The following MEF2C variants were observed in gnomAD, a reference collection of about 807,000 sequenced individuals.
MEF2C encodes myocyte-specific enhancer factor 2C.
Under a neutral mutation model 50.5 loss-of-function variants are expected in MEF2C, and 6 were observed. That is an observed-to-expected ratio of 0.12 (90% CI 0.07 to 0.23). MEF2C has a LOEUF of 0.23. Ranked by LOEUF, MEF2C falls within the 10% of genes least tolerant of loss-of-function variation. The pLI is 1.00. For missense variants in MEF2C, 276 were observed against 605.0 expected (o/e 0.46, Z 5.70); for synonymous variants, 183 against 228.0 (o/e 0.80, Z 1.78).
chr5:88,786,245 T>A (rs1413485686), intron 3 of MEF2C, among the ~76,000 whole-genome samples: 1 of 152,180 alleles, frequency 6.6e-6, no homozygotes, highest in Non-Finnish European at 1.5e-5. Context: ...AATTCAGAGT[T>A]CAGGGTTTTA....
chr5:88,784,522 C>A (rs1171209783), intron 3 of MEF2C, among the ~76,000 whole-genome samples: 1 of 152,122 alleles, frequency 6.6e-6, no homozygotes, highest in Non-Finnish European at 1.5e-5. Context: ...ACGTAGTACT[C>A]TTTCTGTATG....
At chr5:88,741,943 A>G in intron 6 of MEF2C, 1 of 984,950 alleles carries the variant, frequency 1.0e-6, no homozygotes, top group Non-Finnish European at 1.2e-6. Context: ...TATAATACTT[A>G]AGTTTAACAT....
At chr5:88,852,914 CAAA>C (rs1424404996) in intron 1 of MEF2C, among the ~76,000 whole-genome samples, 4 of 118,616 alleles carry the variant, frequency 3.4e-5, no homozygotes, top group Admixed American at 8.8e-5. Flanking sequence ...GACTCTGTCT[CAAA>C]AAAAAAAAAA....
chr5:88,717,540 A>C lies in MEF2C; in HGVS notation c.*5064T>G, dbSNP rs999687129. ...TGCTGAAAATGAATACAAGAGAACAAAGCAGAAAGCACTGCTATTTTGAAG... is the reference window on the plus strand; with the variant it reads ...TGCTGAAAATGAATACAAGAGAACACAGCAGAAAGCACTGCTATTTTGAAG... On this transcript the variant is annotated 3_prime_UTR_variant, in exon 11 of 11. Coordinates refer to ENST00000504921, the MANE Select transcript of MEF2C (RefSeq NM_002397.5). The C allele has an allele frequency of 8.5e-5, 13 of 152,336 alleles. No homozygotes were observed. Among genetic ancestry groups the C allele is most frequent in the Admixed American group, 2.0e-4 (3 of 15,296 alleles). The allele number at this position is 152,336 out of a possible 1,614,324, so 9.4% of individuals were successfully genotyped here.
intron 1 of MEF2C, among the ~76,000 whole-genome samples, chr5:88,852,657 G>A (rs1198297837): frequency 1.3e-5 from 2 of 152,030 alleles, no homozygotes; most frequent in Non-Finnish European, 2.9e-5. Flanking sequence ...GATAACCTGA[G>A]GTCAGGAGTT....
At chr5:88,828,379 T>C (rs1309121894) in intron 1 of MEF2C, among the ~76,000 whole-genome samples, 1 of 152,032 alleles carries the variant, frequency 6.6e-6, no homozygotes, top group Non-Finnish European at 1.5e-5. Context: ...AAATATGTGA[T>C]GTCAATTTTC....
chr5:88,856,009 T>C (rs1442134667), intron 1 of MEF2C, among the ~76,000 whole-genome samples: 1 of 152,006 alleles, frequency 6.6e-6, no homozygotes, highest in Non-Finnish European at 1.5e-5. Flanking sequence ...TTTGGGAAAA[T>C]CTGAAACTTC....
At chr5:88,893,665 G>A (rs1193583436) in intron 1 of MEF2C, among the ~76,000 whole-genome samples, 1 of 152,108 alleles carries the variant, frequency 6.6e-6, no homozygotes, top group South Asian at 2.1e-4. Context: ...GTAAGATCAT[G>A]CATAGATCTA....
chr5:88,858,071 T>C (rs1382346080), intron 1 of MEF2C, among the ~76,000 whole-genome samples: 1 of 152,248 alleles, frequency 6.6e-6, no homozygotes, highest in Non-Finnish European at 1.5e-5. Flanking sequence ...CAAAGTATTT[T>C]CTTCCTATTA....
At chr5:88,866,017 T>A (rs945131327) in intron 1 of MEF2C, among the ~76,000 whole-genome samples, 1 of 152,004 alleles carries the variant, frequency 6.6e-6, no homozygotes, top group African/African-American at 2.4e-5. Flanking sequence ...TGCCTCAGCC[T>A]CCCGAGTAGC....
rs920748616 is a variant in MEF2C at position 88,902,824 on chromosome 5, A to C, written c.-240+1092T>G. ...CAGAAAATTGATTTTATCCATAATAATTTATAGCATTCTTCATCAATGTAT... is the reference window on the plus strand; with the variant it reads ...CAGAAAATTGATTTTATCCATAATACTTTATAGCATTCTTCATCAATGTAT... On this transcript the variant is annotated intron_variant, in intron 1 of 11. Coordinates refer to the MEF2C transcript ENST00000340208. Among the ~76,000 whole-genome samples, 34 of 151,480 alleles carry C rather than the reference A, an allele frequency of 2.2e-4. 1 individual carries two copies. The East Asian group carries it at 4.2e-3, about 19-fold the overall frequency.
chr5:88,808,253 G>A (rs1000823825), intron 2 of MEF2C, among the ~76,000 whole-genome samples: 1 of 152,098 alleles, frequency 6.6e-6, no homozygotes, highest in Admixed American at 6.5e-5. Context: ...TACAGAATAC[G>A]TTCAATACAG....
intron 3 of MEF2C, among the ~76,000 whole-genome samples, chr5:88,796,496 A>AT (rs948596910): frequency 2.0e-5 from 3 of 151,936 alleles, no homozygotes; most frequent in Non-Finnish European, 4.4e-5. Flanking sequence ...CTTCTTTATC[A>AT]TTTTTTACTG....
intron 1 of MEF2C, among the ~76,000 whole-genome samples, chr5:88,852,964 T>C (rs1821937249): frequency 6.6e-6 from 1 of 151,356 alleles, no homozygotes; most frequent in Non-Finnish European, 1.5e-5. Context: ...AGGCTCATGT[T>C]GGTAATCCCA....
At chr5:88,839,699 T>C (rs1327982805) in intron 1 of MEF2C, 1 of 152,210 alleles carries the variant, frequency 6.6e-6, no homozygotes, top group East Asian at 1.9e-4. Context: ...CTAGTTCACA[T>C]ACCAAATTAT....
At chr5:88,758,213 C>T (rs992499157) in intron 4 of MEF2C, among the ~76,000 whole-genome samples, 4 of 152,190 alleles carry the variant, frequency 2.6e-5, no homozygotes, top group Admixed American at 1.3e-4. Flanking sequence ...CTCTTCACAG[C>T]CCATTATTTT....
At position 88,858,798 on chromosome 5, in the gene MEF2C, T is replaced by TA. The variant is rs547123685; in HGVS notation, c.-143+24156dup. On this transcript the variant is annotated intron_variant, in intron 1 of 10. Transcript: ENST00000504921. ...ATTAAGGAATAAAAAACGCTATTTT[T>TA]AAAAAAAACATAAACTAAGAATACT... Among the ~76,000 whole-genome samples, 112 of 152,162 alleles carry TA rather than the reference T, an allele frequency of 7.4e-4. 1 individual carries two copies. In the East Asian group the frequency reaches 0.015, roughly 20 times the overall value.
At chr5:88,734,906 A>C (rs1237095927) in intron 6 of MEF2C, 1 of 982,504 alleles carries the variant, frequency 1.0e-6, no homozygotes, top group African/African-American at 1.7e-5. Flanking sequence ...TCATATTTTT[A>C]GAGCATCAAG....
At chr5:88,751,286 G>A in intron 5 of MEF2C, 3 of 985,390 alleles carry the variant, frequency 3.0e-6, no homozygotes, top group Non-Finnish European at 3.6e-6. Context: ...ATTTGTGGCA[G>A]GTGTACATGT....
Sources: gnomAD v4.1 joint callset for allele counts (sites outside exome capture counted in the v4.1 genomes callset) on GRCh38, gnomAD v4.1.1 for gene constraint, MANE v1.5 for transcripts, NCBI Gene and HGNC (gene_info 2026-07-23, HGNC 2026-07-21) for gene names.